Variants in SOSTDC1 observed in about 807,000 individuals in gnomAD.
SOSTDC1 encodes sclerostin domain containing 1.
A neutral mutation model predicts 15.1 loss-of-function variants in SOSTDC1; 7 were observed. The ratio of observed to expected loss-of-function variants is 0.46; its 90% confidence interval spans 0.26 to 0.87. The LOEUF is 0.87. Among genes scored for constraint, SOSTDC1 ranks in the 40% least tolerant of loss-of-function variants. The pLI is 0.15. For synonymous variants in SOSTDC1, 94 were observed against 93.2 expected (o/e 1.01, Z -0.05); for missense variants, 242 against 259.2 (o/e 0.93, Z 0.46).
In SOSTDC1 at chr7:16,465,664, A is replaced by T. The variant is rs1042249101; in HGVS notation, c.5T>A (p.Leu2His). Residue 2 changes from leucine to histidine, a missense_variant, in exon 1 of 2, where the codon CTT (leucine) becomes CAT (histidine). Coordinates refer to ENST00000307068, the MANE Select transcript of SOSTDC1 (RefSeq NM_015464.3). ...GAGATAGAAATGAATGGCAGGAGGAAGCATGGTGAGTAGAGGATTTGCTTG... is the reference window on the plus strand; with the variant it reads ...GAGATAGAAATGAATGGCAGGAGGATGCATGGTGAGTAGAGGATTTGCTTG... M[L>H]PPAIHFYLLP... The T allele has an allele frequency of 4.3e-6, 7 of 1,613,838 alleles. No individual in the cohort carries two copies. The South Asian group carries it at 5.5e-5, about 13-fold the overall frequency.
chr7:16,464,455 T>C, intron 1 of SOSTDC1: 1 of 1,057,434 alleles, frequency 9.5e-7, no homozygotes, highest in Non-Finnish European at 1.4e-6. Flanking sequence ...ACCACATTGC[T>C]CAGTAATCTA....
intron 1 of SOSTDC1, among the ~76,000 whole-genome samples, chr7:16,464,883 GA>G (rs1246730382): frequency 6.6e-6 from 1 of 152,114 alleles, no homozygotes; most frequent in African/African-American, 2.4e-5. Flanking sequence ...AATTATTTTA[GA>G]AAAATGTGAT....
chr7:16,464,611 A>C (rs1325655138), intron 1 of SOSTDC1, among the ~76,000 whole-genome samples: 1 of 151,872 alleles, frequency 6.6e-6, no homozygotes, highest in Non-Finnish European at 1.5e-5. Flanking sequence ...GGAGTGAAGA[A>C]GGAGAGGCAA....
intron 1 of SOSTDC1, chr7:16,464,314 A>T (rs1054930673): frequency 1.0e-5 from 16 of 1,548,840 alleles, no homozygotes; most frequent in Admixed American, 2.0e-5. Context: ...CCTCCAGCTC[A>T]CCTTCCTGCA....
Position 16,462,265 on chromosome 7 carries a change from A to G in SOSTDC1, c.*283T>C, listed in dbSNP as rs548544229. 1.7e-5 allele frequency: 6 copies of G among 343,048 alleles called. No individual in the cohort carries two copies. The South Asian group carries it at 3.4e-4, about 19-fold the overall frequency. The allele number at this position is 343,048 out of a possible 1,614,324, so 21.3% of individuals were successfully genotyped here. ...AATATAATGATTCACTGATGTTTAT[A>G]GTATCAACAGTCTTTTAAGAACAAT... On this transcript the variant is annotated 3_prime_UTR_variant, in exon 2 of 2. Transcript: ENST00000307068.
intron 1 of SOSTDC1, among the ~76,000 whole-genome samples, chr7:16,463,631 T>C (rs1335031348): frequency 6.6e-6 from 1 of 152,184 alleles, no homozygotes; most frequent in Non-Finnish European, 1.5e-5. Flanking sequence ...AAATGTAAAA[T>C]GCCACTACAA....
In SOSTDC1 at chr7:16,462,425, TGATCA is replaced by T. The variant is rs1781224595; in HGVS notation, c.*118_*122del. 1.9e-6 allele frequency: 2 copies of T among 1,067,720 alleles called. No homozygotes were observed. Among genetic ancestry groups the T allele is most frequent in the Middle Eastern group, 3.1e-4 (1 of 3,214 alleles). 66.1% of individuals were successfully genotyped at this position (1,067,720 alleles called of 1,614,324 possible). ...GATACTTAAGACAGCTTGCTGGGTT[TGATCA>T]AAGCAGAAAGCATATACTTTCAAGT... On this transcript the variant is annotated 3_prime_UTR_variant, in exon 2 of 2. Coordinates refer to ENST00000307068, the MANE Select transcript of SOSTDC1 (RefSeq NM_015464.3).
Position 16,462,614 on chromosome 7 carries a change from G to C in SOSTDC1, c.555C>G (p.Ala185=), listed in dbSNP as rs781321373. Residue 185 remains alanine, a synonymous_variant, in exon 2 of 2, where the codon GCC becomes GCG. Coordinates refer to ENST00000307068, the MANE Select transcript of SOSTDC1 (RefSeq NM_015464.3). ...GCTCTCTGTGATGCTGGACTGGCTT[G>C]GCAGGTGACATGCTCTCAAAGTTGT... ...SSHNFESMSP[A]KPVQHHRERK... The C allele has an allele frequency of 6.3e-7, 1 of 1,592,206 alleles. No individual in the cohort carries two copies. The highest frequency in any genetic ancestry group is 8.5e-7 in the Non-Finnish European group (1 of 1,171,816).
rs77586728 is a variant in SOSTDC1 at position 16,464,260 on chromosome 7, G to A, written c.205+1204C>T. ...GAATTGTGGGATTAAAATGTAAAGC[G>A]TAAATTGTTTGGTTGGACAGTGTGC... On this transcript the variant is annotated intron_variant, in intron 1 of 1. Coordinates refer to ENST00000307068, the MANE Select transcript of SOSTDC1 (RefSeq NM_015464.3). 2.8e-3 allele frequency: 3,466 copies of A among 1,258,448 alleles called. 101 individuals are homozygous for A. The Admixed American group carries it at 0.046, about 17-fold the overall frequency. The allele number at this position is 1,258,448 out of a possible 1,614,324, so 78.0% of individuals were successfully genotyped here.
chr7:16,465,060 A>G (rs1309047934), intron 1 of SOSTDC1, among the ~76,000 whole-genome samples: 1 of 152,130 alleles, frequency 6.6e-6, no homozygotes, highest in East Asian at 1.9e-4. Context: ...GGTAACTAAT[A>G]ATATATATTA....
At chr7:16,463,154 A>G (rs936910998) in intron 1 of SOSTDC1, among the ~76,000 whole-genome samples, 191 bp from the exon 2 acceptor site, 3 of 152,276 alleles carry the variant, frequency 2.0e-5, no homozygotes, top group Non-Finnish European at 4.4e-5. Context: ...GAAAATCATC[A>G]GTTTACATGG....
At chr7:16,463,057 G>T in intron 1 of SOSTDC1, 94 bp from the exon 2 acceptor site, 4 of 1,271,466 alleles carry the variant, frequency 3.1e-6, no homozygotes, top group Non-Finnish European at 4.2e-6. Context: ...ATAGGCAAAT[G>T]ATAGCAAATT....
chr7:16,463,235 A>T (rs1192202906), intron 1 of SOSTDC1, among the ~76,000 whole-genome samples: 1 of 152,176 alleles, frequency 6.6e-6, no homozygotes, highest in Non-Finnish European at 1.5e-5. Flanking sequence ...ATTGCTTATT[A>T]GAGTGTTTGA....
chr7:16,462,566 G>A lies in SOSTDC1; in HGVS notation c.603C>T (p.Ser201=). 1 of 1,614,088 alleles carries A rather than the reference G, an allele frequency of 6.2e-7. No homozygotes were observed. Among genetic ancestry groups the A allele is most frequent in the Non-Finnish European group, 8.5e-7 (1 of 1,179,976 alleles). Residue 201 remains serine (S), a synonymous_variant, in exon 2 of 2, where the codon AGC becomes AGT. Coordinates refer to ENST00000307068, the MANE Select transcript of SOSTDC1 (RefSeq NM_015464.3). ...HRERKRASKS[S]KHSMS The stretch of plus-strand genomic sequence containing the variant: ...CTGAGTTCTAACTCATGCTGTGCTT[G>A]CTGGATTTGCTGGCTCTTTTCCGCT...
chr7:16,465,131 G>A (rs747035579), intron 1 of SOSTDC1, among the ~76,000 whole-genome samples: 9 of 151,976 alleles, frequency 5.9e-5, no homozygotes, highest in Non-Finnish European at 1.0e-4. Context: ...CAAAACAACC[G>A]GAACTTGAGC....
intron 1 of SOSTDC1, among the ~76,000 whole-genome samples, chr7:16,463,808 CTT>C (rs139319573): frequency 0.016 from 2,468 of 152,218 alleles, 36 homozygotes; most frequent in East Asian, 0.089. Flanking sequence ...TCATGGCAAA[CTT>C]TTTGTTTTAG....
chr7:16,464,480 T>C (rs1781262794), intron 1 of SOSTDC1: 2 of 870,826 alleles, frequency 2.3e-6, no homozygotes, highest in African/African-American at 1.7e-5. Flanking sequence ...TAATCAGATA[T>C]GTCCTGTGTA....
In SOSTDC1 at chr7:16,462,413, G is replaced by A. The variant is rs951239157; in HGVS notation, c.*135C>T. 7 of 956,370 alleles carry A rather than the reference G, an allele frequency of 7.3e-6. No individual in the cohort carries two copies. The highest frequency in any genetic ancestry group is 4.9e-5 in the African/African-American group (3 of 60,996). The allele number at this position is 956,370 out of a possible 1,614,324, so 59.2% of individuals were successfully genotyped here. A position where few individuals can be genotyped will look rare whatever the true frequency, so the allele number is the denominator to read the frequency against. On this transcript the variant is annotated 3_prime_UTR_variant, in exon 2 of 2. Coordinates refer to ENST00000307068, the MANE Select transcript of SOSTDC1 (RefSeq NM_015464.3). Reference sequence around the variant, plus strand: ...AAAGAAGGTCCTGATACTTAAGACAGCTTGCTGGGTTTGATCAAAGCAGAA... The same window carrying A: ...AAAGAAGGTCCTGATACTTAAGACAACTTGCTGGGTTTGATCAAAGCAGAA...
At chr7:16,464,080 C>T (rs1020991171) in intron 1 of SOSTDC1, among the ~76,000 whole-genome samples, 3 of 151,924 alleles carry the variant, frequency 2.0e-5, no homozygotes, top group Non-Finnish European at 4.4e-5. Context: ...AGTGGTTCCA[C>T]AAAAAGTACT....
Sources: allele counts gnomAD v4.1 joint callset (sites outside exome capture counted in the v4.1 genomes callset), GRCh38; gene constraint gnomAD v4.1.1; transcripts MANE v1.5; gene names NCBI Gene and HGNC (gene_info 2026-07-23, HGNC 2026-07-21).